The following LANCL1 variants were observed in gnomAD, a reference collection of about 807,000 sequenced individuals.
LANCL1 encodes the protein LanC like glutathione S-transferase 1, also known as glutathione S-transferase LANCL1.
Under a neutral mutation model 50.6 loss-of-function variants are expected in LANCL1, and 50 were observed. That is an observed-to-expected ratio of 0.99 (90% confidence interval 0.79 to 1.25). The LOEUF is 1.25. Ranked by LOEUF, LANCL1 falls within the 50% of genes most tolerant of loss-of-function variation. The pLI, the probability that LANCL1 is intolerant of heterozygous loss-of-function variation, is 0.00. For missense variants in LANCL1, 532 were observed against 480.7 expected (o/e 1.11, Z -1.00); for synonymous variants, 188 against 178.6 (o/e 1.05, Z -0.42).
chr2:210,470,361 A>T (rs1341375780), intron 3 of LANCL1, among the ~76,000 whole-genome samples: 2 of 152,186 alleles, frequency 1.3e-5, no homozygotes, highest in Non-Finnish European at 2.9e-5. Context: ...TTTACAAAAC[A>T]TTGACTTTAA....
chr2:210,476,437 A>G (rs1694378255), intron 1 of LANCL1, 25 bp from the exon 2 acceptor site: 2 of 1,602,322 alleles, frequency 1.2e-6, no homozygotes, highest in African/African-American at 2.7e-5. Context: ...AAAAACAGAA[A>G]CTAGGTTGAG....
intron 4 of LANCL1, among the ~76,000 whole-genome samples, chr2:210,449,220 T>C (rs1693437714): frequency 6.6e-6 from 1 of 152,206 alleles, no homozygotes; most frequent in African/African-American, 2.4e-5. Flanking sequence ...ATAAATGTAA[T>C]CCGTCACATA....
chr2:210,460,064 T>G (rs951240622), intron 3 of LANCL1, among the ~76,000 whole-genome samples: 30 of 152,186 alleles, frequency 2.0e-4, no homozygotes, highest in Admixed American at 6.5e-4. Context: ...CTGTGTCTCA[T>G]ATGCATATGG....
intron 4 of LANCL1, among the ~76,000 whole-genome samples, chr2:210,453,377 A>G (rs1051164050): frequency 6.6e-6 from 1 of 152,190 alleles, no homozygotes; most frequent in African/African-American, 2.4e-5. Context: ...GTGAGTTAAC[A>G]TTGGCAAGTG....
At chr2:210,476,451 G>T in intron 1 of LANCL1, 39 bp from the exon 2 acceptor site, 2 of 1,571,416 alleles carry the variant, frequency 1.3e-6, no homozygotes, top group South Asian at 2.3e-5. Context: ...GGTTGAGATA[G>T]GGGCCTCGGC....
intron 2 of LANCL1, among the ~76,000 whole-genome samples, chr2:210,475,970 G>A (rs931897929): frequency 6.6e-6 from 1 of 151,958 alleles, no homozygotes; most frequent in Non-Finnish European, 1.5e-5. Flanking sequence ...GGAGTAACAC[G>A]GCACATGTGA....
chr2:210,439,044 G>C (rs1450261817), intron 6 of LANCL1, among the ~76,000 whole-genome samples: 1 of 152,176 alleles, frequency 6.6e-6, no homozygotes, highest in African/African-American at 2.4e-5. Flanking sequence ...GAGTTGTTTA[G>C]AAGGCAGATT....
intron 3 of LANCL1, among the ~76,000 whole-genome samples, chr2:210,464,794 G>A (rs1253818525): frequency 2.0e-5 from 3 of 149,208 alleles, no homozygotes; most frequent in Non-Finnish European, 4.4e-5. Context: ...GTGAAACCCC[G>A]TCTCTACTAA....
intron 3 of LANCL1, among the ~76,000 whole-genome samples, chr2:210,461,244 C>T (rs928653952): frequency 2.0e-5 from 3 of 151,978 alleles, no homozygotes; most frequent in Non-Finnish European, 4.4e-5. Flanking sequence ...TTGTGAAGTG[C>T]TCTAATGAAT....
At chr2:210,444,632 AT>A (rs974141977) in intron 4 of LANCL1, among the ~76,000 whole-genome samples, 1 of 152,138 alleles carries the variant, frequency 6.6e-6, no homozygotes, top group African/African-American at 2.4e-5. Flanking sequence ...TGGCTCATCC[AT>A]TTTTTTCTTC....
rs531256195 is a variant in LANCL1, at chr2:210,475,419, T to A, written c.81+897A>T. 1.4e-4 allele frequency among the ~76,000 whole-genome samples: 21 copies of A among 152,198 alleles called. No homozygotes were observed. The South Asian group carries it at 4.4e-3, about 32-fold the overall frequency. On this transcript the variant is annotated intron_variant, in intron 2 of 9. Coordinates refer to ENST00000450366, the MANE Select transcript of LANCL1 (RefSeq NM_006055.3). ...AATCATAGCTCACTACAGCCTCGAA[T>A]CTCCTAGGCTCCAGCAATTCTCCCG... is the stretch of plus-strand genomic sequence containing the variant.
chr2:210,473,237 T>C (rs906988637), intron 2 of LANCL1, among the ~76,000 whole-genome samples: 1 of 152,092 alleles, frequency 6.6e-6, no homozygotes, highest in East Asian at 1.9e-4. Context: ...TAGTCGGGCA[T>C]GGTGGTGAAC....
At chr2:210,436,185 C>T (rs1692925365) in intron 8 of LANCL1, 31 bp downstream of exon 8, 1 of 1,598,990 alleles carries the variant, frequency 6.3e-7, no homozygotes, top group South Asian at 1.1e-5. Flanking sequence ...AGCCACCGAG[C>T]TGCTTTCTAT....
chr2:210,470,196 G>T (rs964979906), intron 3 of LANCL1, among the ~76,000 whole-genome samples: 4 of 152,006 alleles, frequency 2.6e-5, no homozygotes, highest in African/African-American at 7.2e-5. Flanking sequence ...ATCACACCTG[G>T]AACACAGTAG....
intron 3 of LANCL1, among the ~76,000 whole-genome samples, chr2:210,457,149 C>T (rs1345817666): frequency 6.6e-6 from 1 of 152,128 alleles, no homozygotes; most frequent in Non-Finnish European, 1.5e-5. Context: ...TGTCTACATT[C>T]CCTGTCACAG....
At chr2:210,450,292 T>C (rs1693473834) in intron 4 of LANCL1, among the ~76,000 whole-genome samples, 1 of 152,176 alleles carries the variant, frequency 6.6e-6, no homozygotes, top group African/African-American at 2.4e-5. Context: ...GCCAGCCATA[T>C]ACAGAAAACT....
intron 7 of LANCL1, among the ~76,000 whole-genome samples, chr2:210,436,826 C>A (rs778700531): frequency 6.6e-6 from 1 of 152,124 alleles, no homozygotes; most frequent in Non-Finnish European, 1.5e-5. Flanking sequence ...TAGAGATAGA[C>A]CTTTACAATC....
At chr2:210,448,592 T>C (rs919381504) in intron 4 of LANCL1, among the ~76,000 whole-genome samples, 2 of 151,888 alleles carry the variant, frequency 1.3e-5, no homozygotes, top group Non-Finnish European at 2.9e-5. Context: ...ATCAATAAAA[T>C]AGATAGACCA....
chr2:210,456,363 A>T (rs920533047), intron 3 of LANCL1, among the ~76,000 whole-genome samples: 2 of 152,190 alleles, frequency 1.3e-5, no homozygotes, highest in Non-Finnish European at 2.9e-5. Flanking sequence ...AAATTTAGAT[A>T]GTTTTCTCAT....
Sources: gnomAD v4.1 joint callset for allele counts (sites outside exome capture counted in the v4.1 genomes callset) on GRCh38, gnomAD v4.1.1 for gene constraint, MANE v1.5 for transcripts, NCBI Gene and HGNC (gene_info 2026-07-23, HGNC 2026-07-21) for gene names.